The following UNC5D variants were observed in gnomAD, a reference collection of about 807,000 sequenced individuals.
UNC5D encodes netrin receptor UNC5D.
Under a neutral mutation model 105.4 loss-of-function variants are expected in UNC5D, and 39 were observed. That is an observed-to-expected ratio of 0.37 (90% CI 0.29 to 0.48). The LOEUF (loss-of-function observed/expected upper bound fraction) is 0.48, where lower values mean the gene tolerates loss of function less well. Among genes scored for constraint, UNC5D ranks in the 20% least tolerant of loss-of-function variants. UNC5D has a pLI of 0.98. For missense variants in UNC5D, 991 were observed against 1,202.4 expected, an observed-to-expected ratio of 0.82 and a Z score of 2.60; for synonymous variants, 452 against 450.4, an observed-to-expected ratio of 1.00 and a Z score of -0.04.
rs1554505737 is a variant in UNC5D, at chr8:35,305,589, C to CTCTTTCTTTCTTTCTTTCTTTCTTTCA, written c.103+69703_103+69704insCTTTCTTTCTTTCTTTCTTTCTTTCAT. 9.5e-3 allele frequency among the ~76,000 whole-genome samples: 588 copies of CTCTTTCTTTCTTTCTTTCTTTCTTTCA among 61,650 alleles called. 9 individuals are homozygous for CTCTTTCTTTCTTTCTTTCTTTCTTTCA. Among genetic ancestry groups the CTCTTTCTTTCTTTCTTTCTTTCTTTCA allele is most frequent in the East Asian group, 0.044 (55 of 1,256 alleles). The allele number at this position is 61,650 out of a possible 152,430, so 40.4% of individuals were successfully genotyped here. ...TTTCTTTCTTTCTTTTTCTTTCTTT[C>CTCTTTCTTTCTTTCTTTCTTTCTTTCA]TTTCTTTCTTTCTTTCTTTCTTTCT... is the stretch of plus-strand genomic sequence containing the variant. On this transcript the variant is annotated intron_variant, in intron 1 of 16. Transcript: ENST00000404895.
At chr8:35,508,288 A>G (rs1341131855) in intron 1 of UNC5D, among the ~76,000 whole-genome samples, 1 of 152,134 alleles carries the variant, frequency 6.6e-6, no homozygotes, top group Non-Finnish European at 1.5e-5. Context: ...GTTTTGTTTA[A>G]GTCTATGATT....
At chr8:35,347,614 T>C (rs907618839) in intron 1 of UNC5D, among the ~76,000 whole-genome samples, 3 of 151,976 alleles carry the variant, frequency 2.0e-5, no homozygotes, top group Admixed American at 6.6e-5. Context: ...TGGAAGGTAT[T>C]TGAGTGTCAT....
intron 1 of UNC5D, among the ~76,000 whole-genome samples, chr8:35,398,968 C>T (rs1057390234): frequency 1.3e-4 from 19 of 151,706 alleles, no homozygotes; most frequent in Non-Finnish European, 1.5e-5. Flanking sequence ...CCAGCCTGGG[C>T]AACACGGTGA....
intron 1 of UNC5D, among the ~76,000 whole-genome samples, chr8:35,534,347 G>A (rs1814672465): frequency 6.6e-6 from 1 of 151,902 alleles, no homozygotes; most frequent in Non-Finnish European, 1.5e-5. Context: ...GTTTTTTAAT[G>A]ACATGATATT....
chr8:35,353,949 A>G (rs1801409456), intron 1 of UNC5D, among the ~76,000 whole-genome samples: 1 of 152,136 alleles, frequency 6.6e-6, no homozygotes, highest in Admixed American at 6.5e-5. Flanking sequence ...AGAGAGGTTG[A>G]CTTTTCACTG....
intron 1 of UNC5D, among the ~76,000 whole-genome samples, chr8:35,436,183 G>C (rs1419735387): frequency 2.6e-5 from 4 of 151,918 alleles, no homozygotes. Flanking sequence ...CACATAATTT[G>C]TAAATTTTGC....
chr8:35,481,818 T>C (rs1810502051), intron 1 of UNC5D, among the ~76,000 whole-genome samples: 1 of 152,226 alleles, frequency 6.6e-6, no homozygotes, highest in African/African-American at 2.4e-5. Flanking sequence ...TATTTAACTT[T>C]ATAATATGCT....
At chr8:35,451,024 G>A (rs1325436247) in intron 1 of UNC5D, among the ~76,000 whole-genome samples, 3 of 148,900 alleles carry the variant, frequency 2.0e-5, no homozygotes, top group Non-Finnish European at 3.0e-5. Flanking sequence ...AAATCGAGGA[G>A]CATCTATAAT....
chr8:35,449,686 C>T (rs1477848814), intron 1 of UNC5D, among the ~76,000 whole-genome samples: 1 of 152,124 alleles, frequency 6.6e-6, no homozygotes, highest in Non-Finnish European at 1.5e-5. Flanking sequence ...CGTTTTATGT[C>T]TTCCACCATA....
intron 1 of UNC5D, among the ~76,000 whole-genome samples, chr8:35,247,450 C>G (rs1412665460): frequency 7.1e-6 from 1 of 140,898 alleles, no homozygotes; most frequent in Non-Finnish European, 1.5e-5. Context: ...AGTTACTTAA[C>G]ATCTGGATCC....
chr8:35,411,762 A>G (rs1033411040), intron 1 of UNC5D, among the ~76,000 whole-genome samples: 1 of 152,060 alleles, frequency 6.6e-6, no homozygotes, highest in African/African-American at 2.4e-5. Context: ...CCCCTAGAAT[A>G]GAATCTCCAG....
chr8:35,259,985 A>G (rs1804362031), intron 1 of UNC5D, among the ~76,000 whole-genome samples: 1 of 152,132 alleles, frequency 6.6e-6, no homozygotes. Flanking sequence ...GGTTCATGCT[A>G]GGATACAAAT....
intron 4 of UNC5D, among the ~76,000 whole-genome samples, chr8:35,666,760 T>C (rs1341046909): frequency 6.6e-6 from 1 of 152,174 alleles, no homozygotes; most frequent in African/African-American, 2.4e-5. Flanking sequence ...AGAAATAAAC[T>C]GAAATGAAAA....
chr8:35,599,364 A>C (rs1485578473), intron 4 of UNC5D, among the ~76,000 whole-genome samples: 6 of 152,116 alleles, frequency 3.9e-5, no homozygotes, highest in African/African-American at 1.2e-4. Context: ...GTAGATTTTA[A>C]GTGTTTGCAT....
rs375585779 is a variant in UNC5D, at chr8:35,380,102, GGA to G, written c.103+144236_103+144237del. 4.5e-3 allele frequency among the ~76,000 whole-genome samples: 508 copies of G among 113,858 alleles called. 15 individuals carry two copies. The highest frequency in any genetic ancestry group is 0.016 in the African/African-American group (450 of 27,888). The allele number at this position is 113,858 out of a possible 152,430, so 74.7% of individuals were successfully genotyped here. A position where few individuals can be genotyped will look rare whatever the true frequency, so the allele number is the denominator to read the frequency against. ...TAATTGGGGGTGGGGGGGGGGTCGG[GGA>G]GAGAGAGAGAGAGAGAGAGACACCG... is the stretch of plus-strand genomic sequence containing the variant. On this transcript the variant is annotated intron_variant, in intron 1 of 16. Coordinates refer to ENST00000404895, the MANE Select transcript of UNC5D (RefSeq NM_080872.4).
intron 1 of UNC5D, among the ~76,000 whole-genome samples, chr8:35,336,536 T>C (rs1448103444): frequency 1.3e-5 from 2 of 152,154 alleles, no homozygotes; most frequent in Admixed American, 1.3e-4. Context: ...GATTCAATGC[T>C]GCTACTCTTT....
At chr8:35,359,862 C>T (rs1460355550) in intron 1 of UNC5D, among the ~76,000 whole-genome samples, 3 of 152,166 alleles carry the variant, frequency 2.0e-5, no homozygotes, top group Non-Finnish European at 4.4e-5. Flanking sequence ...TCTTTGCTTA[C>T]TATCTAGATT....
At chr8:35,789,158 T>G (rs1375378929) in intron 16 of UNC5D, among the ~76,000 whole-genome samples, 2 of 81,646 alleles carry the variant, frequency 2.4e-5, no homozygotes, top group Non-Finnish European at 4.8e-5. Flanking sequence ...TATATATATA[T>G]ATATATATAT....
intron 13 of UNC5D, among the ~76,000 whole-genome samples, chr8:35,754,549 T>G (rs544998593): frequency 6.6e-6 from 1 of 152,098 alleles, no homozygotes; most frequent in Non-Finnish European, 1.5e-5. Flanking sequence ...ATGCCTACCT[T>G]CTCCCCGGAA....
Sources: gnomAD v4.1 joint callset for allele counts (sites outside exome capture counted in the v4.1 genomes callset) on GRCh38, gnomAD v4.1.1 for gene constraint, MANE v1.5 for transcripts, NCBI Gene and HGNC (gene_info 2026-07-23, HGNC 2026-07-21) for gene names.